Variants in KCNH8 observed in about 807,000 individuals in gnomAD.
KCNH8 encodes the protein potassium voltage-gated channel subfamily H member 8.
Under a neutral mutation model 103.6 loss-of-function variants are expected in KCNH8, and 70 were observed. That is an observed-to-expected ratio of 0.68 (90% CI 0.56 to 0.82). The LOEUF (loss-of-function observed/expected upper bound fraction) is 0.82. KCNH8 is among the 40% of genes least tolerant of loss of function. The pLI is 0.00. For synonymous variants in KCNH8, 498 were observed against 489.4 expected (o/e 1.02, Z -0.23); for missense variants, 1,217 against 1,329.9 (o/e 0.92, Z 1.32).
chr3:19,224,412 A>T (rs553398387), intron 1 of KCNH8, among the ~76,000 whole-genome samples: 1 of 152,268 alleles, frequency 6.6e-6, no homozygotes, highest in African/African-American at 2.4e-5. Flanking sequence ...TTTGAAAATT[A>T]TGAAACCTAA....
chr3:19,430,636 G>C (rs1194065562), intron 7 of KCNH8, among the ~76,000 whole-genome samples: 1 of 151,998 alleles, frequency 6.6e-6, no homozygotes, highest in Non-Finnish European at 1.5e-5. Flanking sequence ...TTTTCCATTT[G>C]TTTCCGTCAT....
intron 5 of KCNH8, among the ~76,000 whole-genome samples, chr3:19,354,163 C>A (rs2065845256): frequency 6.6e-6 from 1 of 152,114 alleles, no homozygotes; most frequent in Non-Finnish European, 1.5e-5. Context: ...CCTAGGAATC[C>A]AACTTACAAG....
At chr3:19,403,899 C>G (rs2066653707) in intron 7 of KCNH8, among the ~76,000 whole-genome samples, 1 of 151,660 alleles carries the variant, frequency 6.6e-6, no homozygotes. Context: ...TTTATTGAAA[C>G]CTGTGTAGTA....
At chr3:19,213,613 T>C (rs930052471) in intron 1 of KCNH8, among the ~76,000 whole-genome samples, 2 of 152,234 alleles carry the variant, frequency 1.3e-5, no homozygotes, top group Non-Finnish European at 2.9e-5. Flanking sequence ...AGTAGTCATC[T>C]TGATATGTCT....
chr3:19,361,391 C>T (rs940470329), intron 5 of KCNH8, among the ~76,000 whole-genome samples: 2 of 152,114 alleles, frequency 1.3e-5, no homozygotes, highest in Non-Finnish European at 2.9e-5. Flanking sequence ...GAACATCTCA[C>T]GTCCTTGCCC....
At chr3:19,359,558 G>A (rs1011728403) in intron 5 of KCNH8, among the ~76,000 whole-genome samples, 4 of 151,910 alleles carry the variant, frequency 2.6e-5, no homozygotes, top group Non-Finnish European at 1.5e-5. Context: ...TGAAGTTTGG[G>A]GCTGGATAAT....
chr3:19,502,029 T>C (rs908341385), intron 11 of KCNH8, among the ~76,000 whole-genome samples: 2 of 151,486 alleles, frequency 1.3e-5, no homozygotes, highest in African/African-American at 2.4e-5. Context: ...AACCCCATTG[T>C]CTCAGCCCAA....
intron 15 of KCNH8, among the ~76,000 whole-genome samples, chr3:19,526,753 T>C (rs2069071811): frequency 6.6e-6 from 1 of 151,990 alleles, no homozygotes; most frequent in Admixed American, 6.6e-5. Flanking sequence ...TCTTACCTGC[T>C]AGAGATATAC....
chr3:19,432,457 C>T (rs2067137723), intron 7 of KCNH8, among the ~76,000 whole-genome samples: 2 of 152,248 alleles, frequency 1.3e-5, no homozygotes, highest in South Asian at 4.2e-4. Context: ...AAATTTGGGG[C>T]AGATTATTAA....
chr3:19,471,454 A>G (rs997215988), intron 11 of KCNH8, among the ~76,000 whole-genome samples: 2 of 152,186 alleles, frequency 1.3e-5, no homozygotes, highest in East Asian at 1.9e-4. Context: ...TGCCCTCTGT[A>G]GAGTTCTTCT....
chr3:19,217,717 C>T (rs1041499635), intron 1 of KCNH8, among the ~76,000 whole-genome samples: 2 of 152,136 alleles, frequency 1.3e-5, no homozygotes, highest in Admixed American at 6.6e-5. Context: ...CTGGCTTCAG[C>T]GTCTGTACTT....
chr3:19,369,856 G>C (rs550821278), intron 5 of KCNH8, among the ~76,000 whole-genome samples: 1 of 151,770 alleles, frequency 6.6e-6, no homozygotes, highest in African/African-American at 2.4e-5. Context: ...TATTCTTGAC[G>C]CTGCTTCTTT....
At chr3:19,160,586 G>A (rs1005906097) in intron 1 of KCNH8, among the ~76,000 whole-genome samples, 3 of 151,886 alleles carry the variant, frequency 2.0e-5, no homozygotes, top group African/African-American at 7.3e-5. Context: ...TACAGTACCC[G>A]GCCCCTTAAC....
Position 19,205,818 on chromosome 3 carries a change from T to A in KCNH8, c.77-47836T>A, listed in dbSNP as rs1418565246. ...AACAGTGTGGTGGGAAATTATTATT[T>A]ATTTTTTATTTCCATAGGTTTTGGG... is the stretch of plus-strand genomic sequence containing the variant. On this transcript the variant is annotated intron_variant, in intron 1 of 15. Coordinates refer to ENST00000328405, the MANE Select transcript of KCNH8 (RefSeq NM_144633.3). Among the ~76,000 whole-genome samples, 5 of 152,108 alleles carry A rather than the reference T, an allele frequency of 3.3e-5. 1 individual carries two copies. The highest frequency in any genetic ancestry group is 1.2e-4 in the African/African-American group (5 of 41,518).
At chr3:19,419,188 G>GTTTTTGTTTTT (rs1299734245) in intron 7 of KCNH8, among the ~76,000 whole-genome samples, 3 of 75,878 alleles carry the variant, frequency 4.0e-5, no homozygotes, top group African/African-American at 1.4e-4. Flanking sequence ...TAATTAAAAT[G>GTTTTTGTTTTT]GTTTTGGTTT....
chr3:19,355,143 C>T (rs1330875226), intron 5 of KCNH8, among the ~76,000 whole-genome samples: 13 of 152,174 alleles, frequency 8.5e-5, no homozygotes, highest in Admixed American at 2.0e-4. Context: ...TGCTCATCAT[C>T]ACTGGACATC....
chr3:19,446,861 A>G (rs560600789), intron 8 of KCNH8, among the ~76,000 whole-genome samples: 1 of 152,098 alleles, frequency 6.6e-6, no homozygotes, highest in East Asian at 1.9e-4. Context: ...AAGAGAAAGA[A>G]AAAGCCAGGC....
chr3:19,529,759 G>C (rs1363088477), intron 15 of KCNH8, among the ~76,000 whole-genome samples: 1 of 152,084 alleles, frequency 6.6e-6, no homozygotes, highest in Non-Finnish European at 1.5e-5. Flanking sequence ...ATGGTAAAAA[G>C]AGAGATCCCT....
chr3:19,283,330 A>G (rs1559457994), intron 3 of KCNH8, among the ~76,000 whole-genome samples: 1 of 152,192 alleles, frequency 6.6e-6, no homozygotes, highest in Admixed American at 6.6e-5. Context: ...AATTGTGCTC[A>G]ATAATATTTT....
Sources: gnomAD v4.1 joint callset for allele counts (sites outside exome capture counted in the v4.1 genomes callset) on GRCh38, gnomAD v4.1.1 for gene constraint, MANE v1.5 for transcripts, NCBI Gene and HGNC (gene_info 2026-07-23, HGNC 2026-07-21) for gene names.